Variants in ZEB1 observed in about 807,000 individuals in gnomAD.
ZEB1 encodes zinc finger E-box binding homeobox 1.
Under a neutral mutation model 84.9 loss-of-function variants are expected in ZEB1, and 21 were observed. The ratio of observed to expected loss-of-function variants is 0.25; its 90% CI spans 0.18 to 0.36. ZEB1 has a LOEUF of 0.36. Ranked by LOEUF, ZEB1 falls within the 10% of genes least tolerant of loss-of-function variation. The probability of loss-of-function intolerance (pLI) is 1.00; values close to 1 mark genes in which losing one functional copy is unlikely to be tolerated. For missense variants in ZEB1, 1,104 were observed against 1,330.2 expected (o/e 0.83, Z 2.65); for synonymous variants, 420 against 471.1 (o/e 0.89, Z 1.41).
intron 2 of ZEB1, among the ~76,000 whole-genome samples, chr10:31,481,639 C>T (rs983677740): frequency 6.6e-6 from 1 of 151,816 alleles, no homozygotes; most frequent in African/African-American, 2.4e-5. Context: ...ACCTGGGCAA[C>T]TTAGCAAGAC....
intron 5 of ZEB1, among the ~76,000 whole-genome samples, chr10:31,512,994 C>T (rs1004467682): frequency 4.6e-5 from 7 of 152,130 alleles, no homozygotes; most frequent in African/African-American, 1.7e-4. Context: ...TTGGGGGCTA[C>T]ATATTATAGG....
In ZEB1 at chr10:31,528,949, A is replaced by G. The variant is rs1834643708; in HGVS notation, c.*1685A>G. The G allele has an allele frequency of 6.6e-6, 1 of 152,208 alleles. No homozygotes were observed. The allele number at this position is 152,208 out of a possible 1,614,324, so 9.4% of individuals were successfully genotyped here. A position where few individuals can be genotyped will look rare whatever the true frequency, so the allele number is the denominator to read the frequency against. ...TGAAATTCACTGTGTGACTAATAGCATGATGCTCTGCAGTTTTATTAAGAA... is the reference window on the plus strand; with the variant it reads ...TGAAATTCACTGTGTGACTAATAGCGTGATGCTCTGCAGTTTTATTAAGAA... On this transcript the variant is annotated 3_prime_UTR_variant, in exon 9 of 9. Transcript: ENST00000424869.
At chr10:31,505,362 A>G (rs554691581) in intron 4 of ZEB1, among the ~76,000 whole-genome samples, 1 of 152,182 alleles carries the variant, frequency 6.6e-6, no homozygotes, top group East Asian at 1.9e-4. Flanking sequence ...GAGGAGAACT[A>G]GTGTTAGCTC....
Position 31,363,006 on chromosome 10 carries a change from C to T in ZEB1, c.58+43714C>T, listed in dbSNP as rs1277046380. On this transcript the variant is annotated intron_variant, in intron 1 of 8. Transcript: ENST00000424869. ...ATGGAAGCTTTGCCGGTGGGGGCCG[C>T]TCGTCTCTATCACACCTCAGTTGCA... The T allele has an allele frequency of 9.1e-6, 14 of 1,533,986 alleles. No individual in the cohort carries two copies. The East Asian group carries it at 1.5e-4, about 16-fold the overall frequency.
intron 1 of ZEB1, among the ~76,000 whole-genome samples, chr10:31,345,229 T>C (rs1225928056): frequency 2.0e-5 from 3 of 152,068 alleles, no homozygotes; most frequent in Non-Finnish European, 4.4e-5. Context: ...CTTAAATCAC[T>C]CCATTTGTCA....
intron 3 of ZEB1, among the ~76,000 whole-genome samples, chr10:31,498,164 A>G (rs1375436694): frequency 1.3e-5 from 2 of 152,020 alleles, no homozygotes; most frequent in Non-Finnish European, 2.9e-5. Context: ...AGACCAGGAC[A>G]TTTGCTTTAT....
intron 1 of ZEB1, among the ~76,000 whole-genome samples, chr10:31,393,230 C>T (rs1037714349): frequency 1.3e-5 from 2 of 152,066 alleles, no homozygotes; most frequent in Admixed American, 6.6e-5. Flanking sequence ...GTATTGACTT[C>T]TGAAACATTA....
At chr10:31,457,228 G>C (rs2061342912) in intron 1 of ZEB1, among the ~76,000 whole-genome samples, 1 of 152,140 alleles carries the variant, frequency 6.6e-6, no homozygotes, top group South Asian at 2.1e-4. Flanking sequence ...AGAACATTTA[G>C]ATAACTGAAG....
chr10:31,416,752 C>G (rs1424867140), intron 1 of ZEB1, among the ~76,000 whole-genome samples: 1 of 152,086 alleles, frequency 6.6e-6, no homozygotes, highest in Non-Finnish European at 1.5e-5. Context: ...GTATTTAATC[C>G]AATGACTCAA....
At position 31,520,045 on chromosome 10, in the gene ZEB1, G is replaced by A. The variant is rs1233129396; in HGVS notation, c.794-81G>A. 3.2e-5 allele frequency: 49 copies of A among 1,534,898 alleles called. 1 individual carries two copies. The South Asian group carries it at 4.0e-4, about 13-fold the overall frequency. Reference sequence around the variant, plus strand: ...CAGTCTTCTTTTTAAAATTGATACCGCTTGTTTTAGGGAAATGAGGATACA... The same window carrying A: ...CAGTCTTCTTTTTAAAATTGATACCACTTGTTTTAGGGAAATGAGGATACA... On this transcript the variant is annotated intron_variant, in intron 6 of 8. Coordinates refer to ENST00000424869, the MANE Select transcript of ZEB1 (RefSeq NM_001174096.2). The surrounding 1 kb of genome is among the most constrained non-coding windows in gnomAD (Gnocchi z 5.1).
intron 1 of ZEB1, among the ~76,000 whole-genome samples, chr10:31,377,063 T>A (rs2046763472): frequency 6.7e-6 from 1 of 150,116 alleles, no homozygotes; most frequent in Non-Finnish European, 1.5e-5. Flanking sequence ...AGATGCCATC[T>A]AGAGATACTT....
rs1458636419 is a variant in ZEB1 at position 31,387,287 on chromosome 10, G to A, written c.58+67995G>A. ...TAAAGGTAAGCACTGTGTAGTGAGT[G>A]CACACTCGTGGGCCCAGGCTCCTAA... On this transcript the variant is annotated intron_variant, in intron 1 of 8. Transcript: ENST00000424869. 4.1e-6 allele frequency: 4 copies of A among 985,602 alleles called. No homozygotes were observed. The African/African-American group carries it at 7.0e-5, about 17-fold the overall frequency. 61.1% of individuals were successfully genotyped at this position (985,602 alleles called of 1,614,324 possible).
chr10:31,389,420 T>A (rs915334650), intron 1 of ZEB1, among the ~76,000 whole-genome samples: 5 of 152,202 alleles, frequency 3.3e-5, no homozygotes, highest in African/African-American at 1.2e-4. Context: ...GGTTTCTGAT[T>A]TGTCTTTCAT....
chr10:31,385,669 A>G (rs893418378), intron 1 of ZEB1, among the ~76,000 whole-genome samples: 5 of 151,958 alleles, frequency 3.3e-5, no homozygotes, highest in African/African-American at 1.2e-4. Context: ...CTGGGATTAC[A>G]GGCGCTTGCC....
chr10:31,404,098 T>C (rs1310172990), intron 1 of ZEB1, among the ~76,000 whole-genome samples: 1 of 152,078 alleles, frequency 6.6e-6, no homozygotes, highest in Non-Finnish European at 1.5e-5. Context: ...ATTTAAAAAA[T>C]AGTAAAACAC....
Position 31,384,772 on chromosome 10 carries a change from TA to T in ZEB1, c.58+65482del, listed in dbSNP as rs1412429705. Among the ~76,000 whole-genome samples the T allele has an allele frequency of 2.6e-5, 4 of 152,212 alleles. No homozygotes were observed. In the East Asian group the frequency reaches 7.7e-4, roughly 29 times the overall value. On this transcript the variant is annotated intron_variant, in intron 1 of 8. Transcript: ENST00000424869. ...AGGGATCCATTATCCACAGCATGAG[TA>T]AGTTTCTAGTCAGTTCCTCTGTCTA... is the stretch of plus-strand genomic sequence containing the variant.
chr10:31,491,058 T>C (rs1012755494), intron 2 of ZEB1, among the ~76,000 whole-genome samples: 1 of 151,716 alleles, frequency 6.6e-6, no homozygotes, highest in African/African-American at 2.4e-5. Context: ...GATTCACACA[T>C]GAGAAGTTTG....
intron 8 of ZEB1, 114 bp from the exon 9 acceptor site, chr10:31,526,558 A>T: frequency 3.0e-6 from 4 of 1,329,768 alleles, no homozygotes; most frequent in South Asian, 1.3e-5. Flanking sequence ...GAAATGTTTT[A>T]AAAATGAAAC....
At chr10:31,386,439 T>C (rs1225334174) in intron 1 of ZEB1, among the ~76,000 whole-genome samples, 2 of 151,958 alleles carry the variant, frequency 1.3e-5, no homozygotes, top group African/African-American at 4.8e-5. Flanking sequence ...TTGTTTAATT[T>C]TATGTAAGTT....
Sources: allele counts gnomAD v4.1 joint callset (sites outside exome capture counted in the v4.1 genomes callset), GRCh38; gene constraint gnomAD v4.1.1; non-coding constraint Gnocchi (gnomAD v3.1); transcripts MANE v1.5; gene names NCBI Gene and HGNC (gene_info 2026-07-23, HGNC 2026-07-21).